Variants in ADH6 observed in about 807,000 individuals in gnomAD.
ADH6 encodes the protein alcohol dehydrogenase 6.
ADH6 carries 34 observed loss-of-function variants against 36.5 expected under a neutral mutation model. That is an observed-to-expected ratio of 0.93 (90% confidence interval 0.71 to 1.24). The LOEUF (loss-of-function observed/expected upper bound fraction) is 1.24. Ranked by LOEUF, ADH6 falls within the 50% of genes most tolerant of loss-of-function variation. The pLI, the probability that ADH6 is intolerant of heterozygous loss-of-function variation, is 0.00. For synonymous variants in ADH6, 161 were observed against 155.5 expected (o/e 1.04, Z -0.26); for missense variants, 440 against 447.0 (o/e 0.98, Z 0.14).
chr4:99,206,569 C>CTT (rs5860569), intron 7 of ADH6, among the ~76,000 whole-genome samples: 2 of 147,110 alleles, frequency 1.4e-5, no homozygotes, highest in African/African-American at 5.0e-5. Flanking sequence ...TGGATTATTA[C>CTT]TTTTTTTTTT....
Position 99,202,993 on chromosome 4 carries a change from C to A in ADH6, c.*1226G>T, listed in dbSNP as rs1159384780. ...TAAGAATCAGACTGTTATGAGAGTC[C>A]TTTGATATCATGTGAAAACCATGAT... is the stretch of plus-strand genomic sequence containing the variant. On this transcript the variant is annotated 3_prime_UTR_variant, in exon 9 of 9. Coordinates refer to ENST00000394899, the MANE Select transcript of ADH6 (RefSeq NM_001102470.2). 10 of 392,602 alleles carry A rather than the reference C, an allele frequency of 2.5e-5. No homozygotes were observed. The highest frequency in any genetic ancestry group is 4.5e-5 in the Non-Finnish European group (10 of 222,614). The allele number at this position is 392,602 out of a possible 1,614,324, so 24.3% of individuals were successfully genotyped here. A position where few individuals can be genotyped will look rare whatever the true frequency, so the allele number is the denominator to read the frequency against.
intron 3 of ADH6, among the ~76,000 whole-genome samples, chr4:99,210,816 T>C (rs571266972): frequency 1.8e-4 from 27 of 152,264 alleles, no homozygotes; most frequent in Non-Finnish European, 3.4e-4. Context: ...GTCTTATCTC[T>C]TCTCAACATT....
Position 99,210,251 on chromosome 4 carries a change from C to G in ADH6, c.398G>C (p.Cys133Ser), listed in dbSNP as rs761061444. The G allele has an allele frequency of 6.2e-7, 1 of 1,613,750 alleles. No individual in the cohort carries two copies. The highest frequency in any genetic ancestry group is 8.5e-7 in the Non-Finnish European group (1 of 1,179,854). ...LMSDGTSRFT[C>S]KGKSIYHFGN... Reference sequence around the variant, plus strand: ...AAAGTGATATATTGATTTTCCCTTGCAGGTAAACCTGCTGGTACCATCAGA... The same window carrying G: ...AAAGTGATATATTGATTTTCCCTTGGAGGTAAACCTGCTGGTACCATCAGA... Residue 133 changes from cysteine (C) to serine (S), a missense_variant, in exon 5 of 9, where the codon TGC becomes TCC. Physicochemically the swap from Cys to Ser is moderately radical, Grantham distance 112. Coordinates refer to ENST00000394899, the MANE Select transcript of ADH6 (RefSeq NM_001102470.2).
chr4:99,207,833 A>C (rs1200684555), intron 6 of ADH6, among the ~76,000 whole-genome samples: 1 of 152,140 alleles, frequency 6.6e-6, no homozygotes, highest in Non-Finnish European at 1.5e-5. Flanking sequence ...AATAGTAAAA[A>C]CATCCACAGT....
chr4:99,217,136 T>C (rs549593982), intron 1 of ADH6, among the ~76,000 whole-genome samples: 51 of 152,136 alleles, frequency 3.4e-4, no homozygotes, highest in East Asian at 5.8e-4. Context: ...TCCGGGTTCA[T>C]GCCATTCTCC....
chr4:99,214,922 A>G (rs1157695041), intron 2 of ADH6, among the ~76,000 whole-genome samples: 1 of 152,216 alleles, frequency 6.6e-6, no homozygotes, highest in African/African-American at 2.4e-5. Context: ...GCATAGTTGC[A>G]TTCACCTATT....
In ADH6 at chr4:99,203,536, C is replaced by T. The variant is rs1730924379; in HGVS notation, c.*683G>A. The T allele has an allele frequency of 6.6e-6, 1 of 152,034 alleles. No homozygotes were observed. The allele number at this position is 152,034 out of a possible 1,614,324, so 9.4% of individuals were successfully genotyped here. A position where few individuals can be genotyped will look rare whatever the true frequency, so the allele number is the denominator to read the frequency against. ...GTTTTGTTATTTAATATTACAACCG[C>T]TTTGTAGGAAGTGTGGATCCTGCTA... is the stretch of plus-strand genomic sequence containing the variant. On this transcript the variant is annotated 3_prime_UTR_variant, in exon 9 of 9. Coordinates refer to ENST00000394899, the MANE Select transcript of ADH6 (RefSeq NM_001102470.2).
intron 3 of ADH6, among the ~76,000 whole-genome samples, chr4:99,213,027 C>T (rs1731281635): frequency 6.6e-6 from 1 of 151,716 alleles, no homozygotes; most frequent in Non-Finnish European, 1.5e-5. Flanking sequence ...TTTTATAGTA[C>T]TTCTATGGTT....
intron 3 of ADH6, among the ~76,000 whole-genome samples, chr4:99,212,956 TTTTTGTATTGA>T (rs1731276495): frequency 6.6e-6 from 1 of 151,528 alleles, no homozygotes; most frequent in African/African-American, 2.4e-5. Flanking sequence ...GCTGGGTATT[TTTTTGTATTGA>T]TTAAAATTTC....
rs1731121427 is a variant in ADH6 at position 99,208,688 on chromosome 4, T to A, written c.808A>T (p.Ile270Phe). 6.2e-7 allele frequency: 1 copy of A among 1,612,980 alleles called. No homozygotes were observed. The highest frequency in any genetic ancestry group is 1.3e-5 in the African/African-American group (1 of 74,802). Reference sequence around the variant, plus strand: ...CATACCAGAACGTCCAGATTTCCAATGGCCTCAAAGCAGAAGTCTATACCA... The same window carrying A: ...CATACCAGAACGTCCAGATTTCCAAAGGCCTCAAAGCAGAAGTCTATACCA... ...DAGIDFCFEA[I>F]GNLDVLAAAL... The change falls in exon 6 of 9, where the codon ATT becomes TTT. Residue 270 changes from isoleucine (I) to phenylalanine (F), a missense_variant. Ile to Phe is a conservative substitution (Grantham distance 21). Transcript: ENST00000394899.
At chr4:99,211,396 G>C (rs1348727485) in intron 3 of ADH6, among the ~76,000 whole-genome samples, 1 of 152,064 alleles carries the variant, frequency 6.6e-6, no homozygotes, top group African/African-American at 2.4e-5. Context: ...AGTACATATA[G>C]TGCTCCATCA....
At chr4:99,217,456 A>G (rs1383755119) in intron 1 of ADH6, among the ~76,000 whole-genome samples, 2 of 152,204 alleles carry the variant, frequency 1.3e-5, no homozygotes, top group African/African-American at 4.8e-5. Context: ...ACGTATGCGT[A>G]AGAACATGTG....
intron 1 of ADH6, among the ~76,000 whole-genome samples, 185 bp from the exon 2 acceptor site, chr4:99,216,447 A>G (rs1167076844): frequency 6.6e-6 from 1 of 152,162 alleles, no homozygotes; most frequent in African/African-American, 2.4e-5. Context: ...TTCTTGTACT[A>G]TCAGCCTCTG....
chr4:99,209,849 C>T (rs887261956), intron 5 of ADH6, among the ~76,000 whole-genome samples: 4 of 152,018 alleles, frequency 2.6e-5, no homozygotes, highest in Non-Finnish European at 4.4e-5. Flanking sequence ...CCTGATCTTT[C>T]CACTTGTGAA....
intron 5 of ADH6, among the ~76,000 whole-genome samples, chr4:99,209,408 A>G (rs940929136): frequency 6.6e-6 from 1 of 152,024 alleles, no homozygotes; most frequent in Non-Finnish European, 1.5e-5. Flanking sequence ...GGACTAATTT[A>G]AATAATTTTT....
Position 99,208,907 on chromosome 4 carries a change from C to T in ADH6, c.589G>A (p.Ala197Thr). 1.2e-6 allele frequency: 2 copies of T among 1,613,546 alleles called. No individual in the cohort carries two copies. Among genetic ancestry groups the T allele is most frequent in the South Asian group, 1.1e-5 (1 of 91,046 alleles). ...CCGACTCCTCCCAGGCCAAACACAG[C>T]ACAGGTAGAACCTGGAGTCACCTAA... is the stretch of plus-strand genomic sequence containing the variant. ...TAKVTPGSTCAVFGLGGVGLS... is the reference protein window; with the variant it reads ...TAKVTPGSTCTVFGLGGVGLS... The change falls in exon 6 of 9, where the codon GCT becomes ACT. Residue 197 changes from alanine to threonine, a missense_variant. Coordinates refer to ENST00000394899, the MANE Select transcript of ADH6 (RefSeq NM_001102470.2).
intron 5 of ADH6, among the ~76,000 whole-genome samples, chr4:99,209,556 C>T (rs1731153387): frequency 6.6e-6 from 1 of 152,112 alleles, no homozygotes; most frequent in East Asian, 1.9e-4. Flanking sequence ...AATAGCAGCC[C>T]ATTCAGCCAG....
At chr4:99,217,444 C>T (rs1181649500) in intron 1 of ADH6, among the ~76,000 whole-genome samples, 1 of 152,124 alleles carries the variant, frequency 6.6e-6, no homozygotes, top group Non-Finnish European at 1.5e-5. Context: ...TTTTTAGCTC[C>T]CACGTATGCG....
intron 3 of ADH6, among the ~76,000 whole-genome samples, chr4:99,213,389 T>C (rs767826660): frequency 6.6e-6 from 1 of 152,216 alleles, no homozygotes; most frequent in Admixed American, 6.5e-5. Context: ...TGCATTCTAC[T>C]TCTTGTTTTT....
Sources: gnomAD v4.1 joint callset for allele counts (sites outside exome capture counted in the v4.1 genomes callset) on GRCh38, gnomAD v4.1.1 for gene constraint, MANE v1.5 for transcripts, NCBI Gene and HGNC (gene_info 2026-07-23, HGNC 2026-07-21) for gene names.